CMKLR2: variants seen among roughly 807,000 people sequenced by gnomAD.
The protein encoded by CMKLR2 is chemerin-like receptor 2.
A neutral mutation model predicts 23.0 loss-of-function variants in CMKLR2; 18 were observed. That is an observed-to-expected ratio of 0.78 (90% CI 0.54 to 1.16). The LOEUF (loss-of-function observed/expected upper bound fraction) is 1.16, where lower values mean the gene tolerates loss of function less well. Among genes scored for constraint, CMKLR2 ranks in the 50% most tolerant of loss-of-function variants. The pLI is 0.00. For synonymous variants in CMKLR2, 158 were observed against 158.9 expected, an observed-to-expected ratio of 0.99 and a Z score of 0.05; for missense variants, 401 against 412.7, an observed-to-expected ratio of 0.97 and a Z score of 0.25.
At chr2:206,187,272 G>A (rs1343574632) in intron 1 of CMKLR2, among the ~76,000 whole-genome samples, 1 of 152,072 alleles carries the variant, frequency 6.6e-6, no homozygotes, top group Non-Finnish European at 1.5e-5. Flanking sequence ...GCAACAGAAT[G>A]AGACTCCATC....
intron 1 of CMKLR2, among the ~76,000 whole-genome samples, chr2:206,199,599 T>A (rs1689027255): frequency 6.6e-6 from 1 of 152,008 alleles, no homozygotes; most frequent in African/African-American, 2.4e-5. Context: ...CGGCATTTTT[T>A]TTTTTTTCCC....
chr2:206,198,513 C>T (rs1299651095), intron 1 of CMKLR2, among the ~76,000 whole-genome samples: 1 of 152,176 alleles, frequency 6.6e-6, no homozygotes, highest in East Asian at 1.9e-4. Flanking sequence ...TTATTACTCT[C>T]CATGCCTCAA....
At chr2:206,183,732 G>C (rs1411060811) in intron 1 of CMKLR2, among the ~76,000 whole-genome samples, 3 of 152,104 alleles carry the variant, frequency 2.0e-5, no homozygotes, top group Non-Finnish European at 4.4e-5. Context: ...GGATAGAGTG[G>C]AGAAAAGAGA....
intron 1 of CMKLR2, among the ~76,000 whole-genome samples, chr2:206,199,684 C>A (rs1689031122): frequency 6.6e-6 from 1 of 151,710 alleles, no homozygotes; most frequent in Admixed American, 6.6e-5. Flanking sequence ...CAACCTCTGC[C>A]TCCTGGGTTC....
intron 1 of CMKLR2, among the ~76,000 whole-genome samples, chr2:206,190,297 T>C (rs1160345756): frequency 6.6e-6 from 1 of 152,220 alleles, no homozygotes; most frequent in Non-Finnish European, 1.5e-5. Flanking sequence ...GGCCTTTGAA[T>C]GTCATGCTTA....
chr2:206,211,176 A>G (rs1347843926), intron 1 of CMKLR2, among the ~76,000 whole-genome samples: 1 of 151,940 alleles, frequency 6.6e-6, no homozygotes, highest in Non-Finnish European at 1.5e-5. Context: ...TGCCTGACCC[A>G]CCCACGAGTG....
chr2:206,188,692 G>C (rs16838023), intron 1 of CMKLR2, among the ~76,000 whole-genome samples: 5 of 152,002 alleles, frequency 3.3e-5, no homozygotes, highest in African/African-American at 9.7e-5. Flanking sequence ...TCAGCTGCTT[G>C]GAGGACCCAC....
chr2:206,208,625 A>G (rs76851755), intron 1 of CMKLR2, among the ~76,000 whole-genome samples: 3,527 of 152,208 alleles, frequency 0.023, 141 homozygotes, highest in African/African-American at 0.081. Context: ...AAATATTTAC[A>G]TATATAAATA....
At chr2:206,179,523 G>A (rs6713824) in intron 1 of CMKLR2, among the ~76,000 whole-genome samples, 58,746 of 150,334 alleles carry the variant, frequency 0.39, 11,963 homozygotes, top group African/African-American at 0.52. Context: ...TAGAGACAGG[G>A]TTTCACCATG....
chr2:206,177,858 C>T (rs774770504), intron 1 of CMKLR2, among the ~76,000 whole-genome samples: 7 of 152,072 alleles, frequency 4.6e-5, no homozygotes, highest in Non-Finnish European at 7.4e-5. Context: ...TTCTTCAGTT[C>T]GTAATGCTTG....
At chr2:206,178,209 G>A (rs1017920079) in intron 1 of CMKLR2, among the ~76,000 whole-genome samples, 2 of 152,162 alleles carry the variant, frequency 1.3e-5, no homozygotes, top group African/African-American at 4.8e-5. Context: ...AGGCTGCAGC[G>A]AGCTATGATC....
intron 1 of CMKLR2, among the ~76,000 whole-genome samples, chr2:206,202,214 G>C (rs1360732232): frequency 6.6e-6 from 1 of 152,056 alleles, no homozygotes; most frequent in Non-Finnish European, 1.5e-5. Flanking sequence ...TTAAAGTGAG[G>C]GGTTTTAAGC....
Position 206,176,902 on chromosome 2 carries a change from T to C in CMKLR2, c.346A>G (p.Thr116Ala), listed in dbSNP as rs1688244117. The C allele has an allele frequency of 6.2e-7, 1 of 1,614,016 alleles. No individual in the cohort carries two copies. Among genetic ancestry groups the C allele is most frequent in the Admixed American group, 1.7e-5 (1 of 59,984 alleles). ...GIWLCKANSFTAQLNMFASVF... is the reference protein window; with the variant it reads ...GIWLCKANSFAAQLNMFASVF... ...CTGGCAAACATGTTCAACTGGGCAG[T>C]GAAGGAATTGGCTTTGCACAGCCAG... The change falls in exon 2 of 2, where the codon ACT becomes GCT. Residue 116 changes from threonine (T) to alanine (A), a missense_variant. Coordinates refer to ENST00000621141, the MANE Select transcript of CMKLR2 (RefSeq NM_001389445.1).
intron 1 of CMKLR2, among the ~76,000 whole-genome samples, chr2:206,193,685 C>A (rs1040902623): frequency 2.6e-5 from 4 of 152,066 alleles, no homozygotes; most frequent in Non-Finnish European, 5.9e-5. Context: ...TAGCAGGGTA[C>A]CTACCAGATT....
intron 1 of CMKLR2, among the ~76,000 whole-genome samples, chr2:206,183,088 C>T (rs1688467505): frequency 6.6e-6 from 1 of 152,132 alleles, no homozygotes; most frequent in Admixed American, 6.5e-5. Context: ...CTGACTCTCC[C>T]CAGTGTCAGA....
At chr2:206,178,791 G>T (rs1298570903) in intron 1 of CMKLR2, among the ~76,000 whole-genome samples, 2 of 151,956 alleles carry the variant, frequency 1.3e-5, no homozygotes, top group Non-Finnish European at 2.9e-5. Context: ...TGGGATTACA[G>T]ATGCTGGCTA....
At chr2:206,212,626 C>T (rs1377908420) in intron 1 of CMKLR2, among the ~76,000 whole-genome samples, 4 of 152,138 alleles carry the variant, frequency 2.6e-5, no homozygotes, top group African/African-American at 9.7e-5. Context: ...ATAGCTGAAC[C>T]CTTGTCTCCC....
chr2:206,204,548 T>A (rs1559096642), intron 1 of CMKLR2, among the ~76,000 whole-genome samples: 1 of 151,904 alleles, frequency 6.6e-6, no homozygotes, highest in Non-Finnish European at 1.5e-5. Flanking sequence ...TTTCCGTTTT[T>A]GTTTTTTGTT....
At chr2:206,213,238 C>T (rs1012991654) in intron 1 of CMKLR2, 69 bp downstream of exon 1, 3 of 152,194 alleles carry the variant, frequency 2.0e-5, no homozygotes, top group African/African-American at 7.2e-5. Context: ...AATAAATCAT[C>T]TGCAGGAATC....
Sources: allele counts gnomAD v4.1 joint callset (sites outside exome capture counted in the v4.1 genomes callset), GRCh38; gene constraint gnomAD v4.1.1; transcripts MANE v1.5; gene names NCBI Gene and HGNC (gene_info 2026-07-23, HGNC 2026-07-21).